The following SOX5 variants were observed in gnomAD, a reference collection of about 807,000 sequenced individuals.
SOX5 encodes the protein SRY-box transcription factor 5.
SOX5 carries 9 observed loss-of-function variants against 92.0 expected under a neutral mutation model. The ratio of observed to expected loss-of-function variants is 0.10; its 90% CI spans 0.06 to 0.17. The LOEUF (loss-of-function observed/expected upper bound fraction) is 0.17, where lower values mean the gene tolerates loss of function less well. SOX5 is among the 10% of genes least tolerant of loss of function. The pLI is 1.00. For synonymous variants in SOX5, 344 were observed against 336.3 expected (o/e 1.02, Z -0.25); for missense variants, 642 against 944.5 (o/e 0.68, Z 4.20).
chr12:23,724,603 G>C (rs368124630), intron 6 of SOX5, among the ~76,000 whole-genome samples: 5 of 152,100 alleles, frequency 3.3e-5, no homozygotes, highest in African/African-American at 1.2e-4. Context: ...CTTTAAGACA[G>C]GAGATTTATG....
chr12:24,440,594 T>TTGTGTGTGTG (rs56082162), intron 1 of SOX5, among the ~76,000 whole-genome samples: 149 of 139,724 alleles, frequency 1.1e-3, no homozygotes, highest in Middle Eastern at 7.0e-3. Context: ...ACATGATCCT[T>TTGTGTGTGTG]TGTGTGTGTG....
intron 4 of SOX5, among the ~76,000 whole-genome samples, chr12:24,022,160 A>G (rs1954369889): frequency 6.6e-6 from 1 of 152,196 alleles, no homozygotes; most frequent in South Asian, 2.1e-4. Flanking sequence ...CTCACGTGTT[A>G]TTTAGGAGAA....
chr12:24,561,929 C>G (rs1478507272), intron 1 of SOX5, among the ~76,000 whole-genome samples: 1 of 152,208 alleles, frequency 6.6e-6, no homozygotes, highest in East Asian at 1.9e-4. Flanking sequence ...TCTCCCCGCA[C>G]TCTCCTCTCG....
chr12:23,802,806 A>G (rs35807863), intron 3 of SOX5, among the ~76,000 whole-genome samples: 17,656 of 152,162 alleles, frequency 0.12, 1,256 homozygotes, highest in South Asian at 0.19. Flanking sequence ...TTAACTCTGC[A>G]ACTCACATAA....
intron 2 of SOX5, among the ~76,000 whole-genome samples, chr12:24,338,903 T>C (rs901455882): frequency 1.3e-5 from 2 of 152,166 alleles, no homozygotes; most frequent in African/African-American, 2.4e-5. Flanking sequence ...CCTCTTTTTC[T>C]TTATAAATTA....
intron 3 of SOX5, among the ~76,000 whole-genome samples, chr12:23,809,126 C>G (rs937736906): frequency 6.6e-6 from 1 of 152,008 alleles, no homozygotes; most frequent in South Asian, 2.1e-4. Context: ...ATAAACCACA[C>G]GTACACACAC....
intron 9 of SOX5, among the ~76,000 whole-genome samples, chr12:23,592,016 A>C (rs951489384): frequency 1.3e-5 from 2 of 152,156 alleles, no homozygotes; most frequent in Non-Finnish European, 2.9e-5. Flanking sequence ...AAATTATATA[A>C]TAAAGTAAAA....
At chr12:24,463,623 A>C (rs1943890709) in intron 1 of SOX5, among the ~76,000 whole-genome samples, 1 of 152,200 alleles carries the variant, frequency 6.6e-6, no homozygotes, top group South Asian at 2.1e-4. Flanking sequence ...GCCAGGTGTA[A>C]GGAAGCAGAT....
At chr12:24,506,027 A>G (rs1037299379) in intron 1 of SOX5, among the ~76,000 whole-genome samples, 1 of 152,162 alleles carries the variant, frequency 6.6e-6, no homozygotes, top group Non-Finnish European at 1.5e-5. Flanking sequence ...AATGGACTTT[A>G]AAACTTTTCC....
At chr12:24,392,377 C>T (rs1447120281) in intron 1 of SOX5, among the ~76,000 whole-genome samples, 3 of 152,274 alleles carry the variant, frequency 2.0e-5, no homozygotes, top group African/African-American at 7.2e-5. Flanking sequence ...TTCCTTTCCA[C>T]CCTAACGCCC....
At chr12:23,777,627 T>C (rs1468903345) in intron 3 of SOX5, among the ~76,000 whole-genome samples, 1 of 152,204 alleles carries the variant, frequency 6.6e-6, no homozygotes, top group Non-Finnish European at 1.5e-5. Context: ...GCATATATTT[T>C]CTGAAGCATA....
At chr12:24,251,725 C>T (rs908832540) in intron 3 of SOX5, among the ~76,000 whole-genome samples, 16 of 152,054 alleles carry the variant, frequency 1.1e-4, no homozygotes, top group African/African-American at 3.6e-4. Context: ...GCGCCTGCCA[C>T]CACGCCCAGC....
At chr12:24,223,571 T>C (rs917004364) in intron 3 of SOX5, among the ~76,000 whole-genome samples, 2 of 152,128 alleles carry the variant, frequency 1.3e-5, no homozygotes, top group African/African-American at 4.8e-5. Context: ...CTGAGCAATG[T>C]AGCAAGGCCA....
chr12:23,869,442 T>G (rs2096849905), intron 2 of SOX5, among the ~76,000 whole-genome samples: 1 of 152,140 alleles, frequency 6.6e-6, no homozygotes, highest in African/African-American at 2.4e-5. Flanking sequence ...ATGACTTTGC[T>G]TAAATATCTT....
intron 4 of SOX5, among the ~76,000 whole-genome samples, chr12:23,997,425 T>A (rs191158579): frequency 1.3e-5 from 2 of 152,146 alleles, no homozygotes; most frequent in Non-Finnish European, 2.9e-5. Flanking sequence ...GAGATTACAA[T>A]ACTGGAGATA....
chr12:24,208,099 T>C (rs1958208884), intron 4 of SOX5, among the ~76,000 whole-genome samples: 2 of 152,188 alleles, frequency 1.3e-5, no homozygotes, highest in Non-Finnish European at 2.9e-5. Context: ...TCAAACCCTA[T>C]GGATTCCATC....
intron 6 of SOX5, among the ~76,000 whole-genome samples, chr12:23,722,026 T>C (rs939327208): frequency 1.3e-5 from 2 of 152,100 alleles, no homozygotes; most frequent in Admixed American, 6.6e-5. Context: ...TTGTTAGGGG[T>C]CCAAAAAATA....
intron 1 of SOX5, among the ~76,000 whole-genome samples, chr12:24,504,687 C>A (rs1232119498): frequency 6.6e-6 from 1 of 152,064 alleles, no homozygotes; most frequent in Non-Finnish European, 1.5e-5. Context: ...CTACTCTTTC[C>A]TTCTTTTTGC....
intron 2 of SOX5, among the ~76,000 whole-genome samples, chr12:23,873,618 G>T (rs1409151389): frequency 6.6e-6 from 1 of 152,154 alleles, no homozygotes; most frequent in East Asian, 1.9e-4. Flanking sequence ...CCGCTCAATT[G>T]TAATTTCTTT....
Sources: gnomAD v4.1 joint callset for allele counts (sites outside exome capture counted in the v4.1 genomes callset) on GRCh38, gnomAD v4.1.1 for gene constraint, MANE v1.5 for transcripts, NCBI Gene and HGNC (gene_info 2026-07-23, HGNC 2026-07-21) for gene names.